The following NUP214 variants were observed in gnomAD, a reference collection of about 807,000 sequenced individuals.
The protein encoded by NUP214 is nucleoporin 214.
A neutral mutation model predicts 196.2 loss-of-function variants in NUP214; 79 were observed. The observed-to-expected ratio is 0.40, with a 90% CI of 0.34 to 0.49. NUP214 has a LOEUF of 0.49. Ranked by LOEUF, NUP214 falls within the 20% of genes least tolerant of loss-of-function variation. The probability of loss-of-function intolerance (pLI) is 0.58; values close to 1 mark genes in which losing one functional copy is unlikely to be tolerated. For synonymous variants in NUP214, 1,020 were observed against 990.5 expected (o/e 1.03, Z -0.56); for missense variants, 2,468 against 2,539.0 (o/e 0.97, Z 0.60).
Position 131,146,385 on chromosome 9 carries a change from A to C in NUP214, c.1945+81A>C, listed in dbSNP as rs1832087843. 7.3e-7 allele frequency: 1 copy of C among 1,362,398 alleles called. No homozygotes were observed. The allele number at this position is 1,362,398 out of a possible 1,614,324, so 84.4% of individuals were successfully genotyped here. ...TTTTAAGTGTTAAGAGTCGTAGCTA[A>C]CATAGTTGGACAAGGTTATTTTTTC... On this transcript the variant is annotated intron_variant, in intron 13 of 35. Transcript: ENST00000359428. The surrounding 1 kb of genome is among the most constrained non-coding windows in gnomAD (Gnocchi z 4.6).
Position 131,125,753 on chromosome 9 carries a change from A to G in NUP214, c.45+4A>G. On this transcript the variant is annotated splice_donor_region_variant and intron_variant, in intron 1 of 35. Transcript: ENST00000359428. This position sits in a 1 kb window ranked among gnomAD's most constrained non-coding sequence, Gnocchi z 4.1. Reference sequence around the variant, plus strand: ...GATTCCCGAGCGGGAGATGAAGGTCAGAGACTAACCGGGGCCTCCCTCCCT... The same window carrying G: ...GATTCCCGAGCGGGAGATGAAGGTCGGAGACTAACCGGGGCCTCCCTCCCT... The G allele has an allele frequency of 6.4e-7, 1 of 1,551,724 alleles. No homozygotes were observed. The highest frequency in any genetic ancestry group is 2.4e-5 in the East Asian group (1 of 40,840).
Position 131,232,586 on chromosome 9 carries a change from G to A in NUP214, c.6239+278G>A. The A allele has an allele frequency of 3.7e-6, 2 of 539,580 alleles. No individual in the cohort carries two copies. The highest frequency in any genetic ancestry group is 2.1e-5 in the South Asian group (1 of 48,210). 33.4% of individuals were successfully genotyped at this position (539,580 alleles called of 1,614,324 possible). A position where few individuals can be genotyped will look rare whatever the true frequency, so the allele number is the denominator to read the frequency against. On this transcript the variant is annotated intron_variant, in intron 35 of 35. Coordinates refer to ENST00000359428, the MANE Select transcript of NUP214 (RefSeq NM_005085.4). This position sits in a 1 kb window ranked among gnomAD's most constrained non-coding sequence, Gnocchi z 5.1. Reference sequence around the variant, plus strand: ...GTGAGCTGGGCCTGAGGGCAGCGCTGAGGAGATGCTGCTCCTGACTTCCCT... The same window carrying A: ...GTGAGCTGGGCCTGAGGGCAGCGCTAAGGAGATGCTGCTCCTGACTTCCCT...
Position 131,130,751 on chromosome 9 carries a change from A to T in NUP214, c.593-15A>T, listed in dbSNP as rs1487085089. On this transcript the variant is annotated splice_polypyrimidine_tract_variant and intron_variant, in intron 4 of 35. Coordinates refer to ENST00000359428, the MANE Select transcript of NUP214 (RefSeq NM_005085.4). ...CATTTTCTTGTTTTCATTTGGTAAT[A>T]CTGTCTTTGCTCAGTGTGCTGGAGC... The T allele has an allele frequency of 1.9e-6, 3 of 1,613,050 alleles. No individual in the cohort carries two copies. Among genetic ancestry groups the T allele is most frequent in the Non-Finnish European group, 2.5e-6 (3 of 1,179,256 alleles).
In NUP214 at chr9:131,177,529, G is replaced by A. The variant is rs972939459; in HGVS notation, c.3320-782G>A. ...TATGAAATATGAAAGATGTGCAGTC[G>A]TGGGCAAGATGTTCTGGTCACTTCT... On this transcript the variant is annotated intron_variant, in intron 23 of 35. Coordinates refer to ENST00000359428, the MANE Select transcript of NUP214 (RefSeq NM_005085.4). 2.3e-4 allele frequency among the ~76,000 whole-genome samples: 35 copies of A among 152,152 alleles called. 1 individual carries two copies. The highest frequency in any genetic ancestry group is 3.4e-4 in the African/African-American group (14 of 41,444).
chr9:131,129,680 T>C (rs1831469664), intron 4 of NUP214, among the ~76,000 whole-genome samples: 1 of 152,044 alleles, frequency 6.6e-6, no homozygotes, highest in East Asian at 1.9e-4. Flanking sequence ...TCTCAGCCAC[T>C]GCAACCTCCA....
intron 4 of NUP214, among the ~76,000 whole-genome samples, chr9:131,130,309 A>T (rs930611166): frequency 1.3e-5 from 2 of 151,474 alleles, no homozygotes; most frequent in South Asian, 4.2e-4. Flanking sequence ...ATGCCCAGCT[A>T]ATTTTTGTAT....
chr9:131,142,920 G>A (rs1178207969), intron 11 of NUP214, among the ~76,000 whole-genome samples: 2 of 152,038 alleles, frequency 1.3e-5, no homozygotes, highest in Non-Finnish European at 2.9e-5. Context: ...AGAAAATATT[G>A]ACACAAAGAA....
At chr9:131,203,827 G>T (rs1834004874) in intron 30 of NUP214, among the ~76,000 whole-genome samples, 1 of 152,194 alleles carries the variant, frequency 6.6e-6, no homozygotes, top group Admixed American at 6.6e-5. Context: ...AGCCAGTTGT[G>T]CCCTGACAGC....
chr9:131,198,006 G>C lies in NUP214; in HGVS notation c.4512G>C (p.Lys1504Asn), dbSNP rs750926150. 1 of 1,614,212 alleles carries C rather than the reference G, an allele frequency of 6.2e-7. No homozygotes were observed. The highest frequency in any genetic ancestry group is 8.5e-7 in the Non-Finnish European group (1 of 1,180,030). The change falls in exon 29 of 36, where the codon AAG becomes AAC. Residue 1504 changes from lysine (K) to asparagine (N), a missense_variant. Transcript: ENST00000359428. Reference protein sequence around the residue: ...EEATSSALPEKPGDSEVSASA... With the variant: ...EEATSSALPENPGDSEVSASA... ...CCACTTCATCAGCTTTGCCTGAGAAGCCAGGTGACAGTGAGGTCTCAGCAT... is the reference window on the plus strand; with the variant it reads ...CCACTTCATCAGCTTTGCCTGAGAACCCAGGTGACAGTGAGGTCTCAGCAT...
At chr9:131,192,706 A>C (rs1484636689) in intron 27 of NUP214, 1 of 158,688 alleles carries the variant, frequency 6.3e-6, no homozygotes, top group Non-Finnish European at 1.4e-5. Context: ...TTGGGAGGCC[A>C]AGGTGGGAGG....
chr9:131,188,094 G>A (rs1833504152), intron 25 of NUP214, among the ~76,000 whole-genome samples: 1 of 152,194 alleles, frequency 6.6e-6, no homozygotes, highest in Admixed American at 6.5e-5. Context: ...TTAGTAAATG[G>A]TGGAACCAGA....
At chr9:131,193,621 T>C (rs985489057) in intron 27 of NUP214, among the ~76,000 whole-genome samples, 7 of 139,870 alleles carry the variant, frequency 5.0e-5, no homozygotes, top group Non-Finnish European at 1.1e-4. Flanking sequence ...GATATTCTTC[T>C]TCCTTTTCTT....
intron 34 of NUP214, among the ~76,000 whole-genome samples, chr9:131,230,998 C>T (rs1834861271): frequency 6.6e-6 from 1 of 151,988 alleles, no homozygotes; most frequent in African/African-American, 2.4e-5. Context: ...CCATTCTCTA[C>T]AAAAAATGTT....
At position 131,197,649 on chromosome 9, in the gene NUP214, G is replaced by A. The variant is rs370633139; in HGVS notation, c.4155G>A (p.Glu1385=). 1 of 1,614,114 alleles carries A rather than the reference G, an allele frequency of 6.2e-7. No individual in the cohort carries two copies. The highest frequency in any genetic ancestry group is 2.2e-5 in the East Asian group (1 of 44,886). ...TAPPVLGKHT[E]PPVTSSATTT... ...CCCCGGTGTTAGGGAAGCACACGGA[G>A]CCCCCTGTGACATCCTCTGCAACCA... Residue 1385 remains glutamate (E), a synonymous_variant, in exon 29 of 36, where the codon GAG becomes GAA. Coordinates refer to ENST00000359428, the MANE Select transcript of NUP214 (RefSeq NM_005085.4).
chr9:131,228,459 C>A, intron 33 of NUP214, 128 bp downstream of exon 33: 1 of 864,682 alleles, frequency 1.2e-6, no homozygotes, highest in Non-Finnish European at 1.7e-6. Context: ...TTGTGAACAA[C>A]TCCCTCAAGG....
chr9:131,226,422 CTG>C (rs1486955211), intron 32 of NUP214, among the ~76,000 whole-genome samples: 1 of 151,864 alleles, frequency 6.6e-6, no homozygotes, highest in Non-Finnish European at 1.5e-5. Context: ...CTTTTTCTCT[CTG>C]TGTATATTTA....
intron 27 of NUP214, among the ~76,000 whole-genome samples, chr9:131,194,430 G>A (rs184385636): frequency 1.3e-5 from 2 of 152,038 alleles, no homozygotes; most frequent in Admixed American, 1.3e-4. Context: ...TAGAAACAGG[G>A]TTCCACCATG....
intron 11 of NUP214, 51 bp downstream of exon 11, chr9:131,140,761 A>G: frequency 6.5e-7 from 1 of 1,544,136 alleles, no homozygotes. Flanking sequence ...GGGCTTGCAC[A>G]AGAGTATTTC....
At chr9:131,184,108 C>T (rs1214975628) in intron 24 of NUP214, among the ~76,000 whole-genome samples, 1 of 128,870 alleles carries the variant, frequency 7.8e-6, no homozygotes, top group Non-Finnish European at 1.6e-5. Flanking sequence ...TCAGCTCATT[C>T]CAACCTCCGC....
Sources: allele counts gnomAD v4.1 joint callset (sites outside exome capture counted in the v4.1 genomes callset), GRCh38; gene constraint gnomAD v4.1.1; non-coding constraint Gnocchi (gnomAD v3.1); transcripts MANE v1.5; gene names NCBI Gene and HGNC (gene_info 2026-07-23, HGNC 2026-07-21).